Variants in ACP6 observed in about 807,000 individuals in gnomAD.
The protein encoded by ACP6 is acid phosphatase 6, lysophosphatidic, also known as lysophosphatidic acid phosphatase type 6.
Under a neutral mutation model 48.1 loss-of-function variants are expected in ACP6, and 48 were observed. The ratio of observed to expected loss-of-function variants is 1.00; its 90% CI spans 0.79 to 1.27. The LOEUF is 1.27. Among genes scored for constraint, ACP6 ranks in the 50% most tolerant of loss-of-function variants. The pLI is 0.00. For synonymous variants in ACP6, 172 were observed against 204.2 expected (o/e 0.84, Z 1.34); for missense variants, 485 against 529.1 (o/e 0.92, Z 0.82).
intron 6 of ACP6, 157 bp from the exon 7 acceptor site, chr1:147,652,706 T>C (rs1056085466): frequency 2.0e-5 from 30 of 1,518,928 alleles, no homozygotes; most frequent in Non-Finnish European, 2.6e-5. Context: ...CAAGAAGCTA[T>C]GTCTCTAAAG....
At chr1:147,634,846 A>G (rs587602754) in intron 5 of ACP6, among the ~76,000 whole-genome samples, 1 of 152,358 alleles carries the variant, frequency 6.6e-6, no homozygotes, top group South Asian at 2.1e-4. Context: ...AATTATAAGC[A>G]CAGTCATGGC....
At chr1:147,654,357 T>G (rs1660121749) in intron 5 of ACP6, 31 bp from the exon 6 acceptor site, 20 of 1,609,630 alleles carry the variant, frequency 1.2e-5, no homozygotes, top group Non-Finnish European at 1.5e-5. Flanking sequence ...AAGCCTTATA[T>G]TCTATAGTGA....
intron 5 of ACP6, among the ~76,000 whole-genome samples, chr1:147,633,868 A>G (rs1248983829): frequency 3.3e-5 from 5 of 151,476 alleles, no homozygotes; most frequent in African/African-American, 1.2e-4. Context: ...TGGTAAAAAA[A>G]TACAGCAAAA....
intron 4 of ACP6, among the ~76,000 whole-genome samples, chr1:147,656,406 C>T (rs1424622726): frequency 6.6e-6 from 1 of 152,156 alleles, no homozygotes; most frequent in Non-Finnish European, 1.5e-5. Flanking sequence ...GCATAGTCCA[C>T]TTGCATGTCC....
At position 147,654,276 on chromosome 1, in the gene ACP6, T is replaced by C. The variant is rs1553211182; in HGVS notation, c.698A>G (p.Lys233Arg). 6.2e-7 allele frequency: 1 copy of C among 1,614,214 alleles called. No individual in the cohort carries two copies. The highest frequency in any genetic ancestry group is 1.1e-5 in the South Asian group (1 of 91,084). Reference sequence around the variant, plus strand: ...AATGCCCATCCTGTCCTTCACCTTTTTCAAATCCTCTGAGATTCCTGGCTG... The same window carrying C: ...AATGCCCATCCTGTCCTTCACCTTTCTCAAATCCTCTGAGATTCCTGGCTG... ...SLQPGISEDL[K>R]KVKDRMGIDS... The change falls in exon 6 of 10, where the codon AAA (lysine) becomes AGA (arginine). Residue 233 changes from lysine to arginine, a missense_variant. Coordinates refer to ENST00000583509, the MANE Select transcript of ACP6 (RefSeq NM_016361.5).
intron 4 of ACP6, among the ~76,000 whole-genome samples, chr1:147,657,314 C>T (rs2148910222): frequency 6.6e-6 from 1 of 152,294 alleles, no homozygotes; most frequent in East Asian, 1.9e-4. Context: ...CAGCCTGATT[C>T]TCTGTAGCCT....
intron 1 of ACP6, among the ~76,000 whole-genome samples, chr1:147,666,721 G>A (rs955065287): frequency 1.3e-5 from 2 of 152,156 alleles, no homozygotes; most frequent in African/African-American, 4.8e-5. Flanking sequence ...CCTTCGGAGG[G>A]AGACCCTGGC....
In ACP6 at chr1:147,644,685, T is replaced by C. The variant is rs1659559878; in HGVS notation, c.*2738A>G. ...AGTTACTGATGTAGTAGAGGTAGGA[T>C]ATGAGAAAAAGAGGGGAGTCAAGGG... On this transcript the variant is annotated 3_prime_UTR_variant, in exon 10 of 10. Transcript: ENST00000583509. 1 of 152,128 alleles carries C rather than the reference T, an allele frequency of 6.6e-6. No homozygotes were observed. The highest frequency in any genetic ancestry group is 1.5e-5 in the Non-Finnish European group (1 of 68,048). 9.4% of individuals were successfully genotyped at this position (152,128 alleles called of 1,614,324 possible). A position where few individuals can be genotyped will look rare whatever the true frequency, so the allele number is the denominator to read the frequency against.
At chr1:147,660,699 T>C (rs1660503723) in intron 1 of ACP6, among the ~76,000 whole-genome samples, 1 of 152,238 alleles carries the variant, frequency 6.6e-6, no homozygotes, top group African/African-American at 2.4e-5. Flanking sequence ...CATCTATCCA[T>C]AGCCAACTAA....
chr1:147,640,304 G>C (rs1473750994), downstream of ACP6, among the ~76,000 whole-genome samples: 1 of 152,062 alleles, frequency 6.6e-6, no homozygotes, highest in Non-Finnish European at 1.5e-5. Flanking sequence ...GCTTCTTTCA[G>C]CATCCTTCAT....
intron 7 of ACP6, 122 bp from the exon 8 acceptor site, chr1:147,650,360 TA>T: frequency 1.6e-6 from 1 of 629,132 alleles, no homozygotes; most frequent in Non-Finnish European, 2.6e-6. Flanking sequence ...AAGTAATGCA[TA>T]AGGGCCAGCA....
Position 147,670,413 on chromosome 1 carries a change from G to A in ACP6, c.-365C>T, listed in dbSNP as rs1661040976. On this transcript the variant is annotated 5_prime_UTR_variant, in exon 1 of 10. Transcript: ENST00000583509. ...AGCACTCTTGAAGGAACAGGAGCCG[G>A]CCCTGAGTTCCCTGGCGGCAGCGGC... The A allele has an allele frequency of 5.7e-6, 1 of 175,136 alleles. No individual in the cohort carries two copies. Among genetic ancestry groups the A allele is most frequent in the African/African-American group, 2.4e-5 (1 of 42,398 alleles). The allele number at this position is 175,136 out of a possible 1,614,324, so 10.8% of individuals were successfully genotyped here. A position where few individuals can be genotyped will look rare whatever the true frequency, so the allele number is the denominator to read the frequency against.
chr1:147,637,928 T>A (rs1659341092), downstream of ACP6, among the ~76,000 whole-genome samples: 1 of 152,240 alleles, frequency 6.6e-6, no homozygotes, highest in African/African-American at 2.4e-5. Flanking sequence ...CTTTACTCAG[T>A]TGTATTTTAT....
At chr1:147,629,904 G>A (rs1557870410) in exon 6 of ACP6, 1 of 152,200 alleles carries the variant, frequency 6.6e-6, no homozygotes, top group Non-Finnish European at 1.5e-5. Context: ...TTAACTTTCT[G>A]TCTCAGTGCT....
Position 147,632,359 on chromosome 1 carries a change from T to G in ACP6, c.461-1294A>C, listed in dbSNP as rs954907473. ...CCAGCATCTGGCATAGTGTCTGCAC[T>G]CTATCAAAGATCAGTAAATAGCTGT... is the stretch of plus-strand genomic sequence containing the variant. On this transcript the variant is annotated intron_variant, in intron 5 of 5. Coordinates refer to the ACP6 transcript ENST00000609196. Among the ~76,000 whole-genome samples, 3 of 152,240 alleles carry G rather than the reference T, an allele frequency of 2.0e-5. No individual in the cohort carries two copies. In the East Asian group the frequency reaches 5.8e-4, roughly 29 times the overall value.
At chr1:147,654,842 C>T (rs1553211312) in intron 5 of ACP6, among the ~76,000 whole-genome samples, 1 of 152,184 alleles carries the variant, frequency 6.6e-6, no homozygotes, top group Admixed American at 6.5e-5. Context: ...TCATTTGCCC[C>T]ACCTGAGAGA....
chr1:147,653,301 T>C (rs1660060483), intron 6 of ACP6, among the ~76,000 whole-genome samples: 1 of 151,956 alleles, frequency 6.6e-6, no homozygotes, highest in African/African-American at 2.4e-5. Context: ...CGGCTAAATT[T>C]TGTATTTTTA....
intron 1 of ACP6, 108 bp from the exon 2 acceptor site, chr1:147,659,883 G>A (rs1362059251): frequency 2.3e-6 from 3 of 1,322,418 alleles, no homozygotes; most frequent in East Asian, 4.8e-5. Context: ...CTGACACTAG[G>A]CCTGCAACCT....
chr1:147,654,260 C>A lies in ACP6; in HGVS notation c.714G>T (p.Arg238Ser). Residue 238 changes from arginine to serine, a missense_variant, in exon 6 of 10, where the codon AGG becomes AGT. Arg to Ser is a moderately radical substitution (Grantham distance 110). Coordinates refer to ENST00000583509, the MANE Select transcript of ACP6 (RefSeq NM_016361.5). ...CTTTATCACTACTGTCAATGCCCATCCTGTCCTTCACCTTTTTCAAATCCT... is the reference window on the plus strand; with the variant it reads ...CTTTATCACTACTGTCAATGCCCATACTGTCCTTCACCTTTTTCAAATCCT... The part of the protein sequence containing the change: ...ISEDLKKVKD[R>S]MGIDSSDKVD... The A allele has an allele frequency of 6.2e-7, 1 of 1,614,200 alleles. No individual in the cohort carries two copies. The highest frequency in any genetic ancestry group is 1.1e-5 in the South Asian group (1 of 91,084).
Sources: allele counts gnomAD v4.1 joint callset (sites outside exome capture counted in the v4.1 genomes callset), GRCh38; gene constraint gnomAD v4.1.1; transcripts MANE v1.5; gene names NCBI Gene and HGNC (gene_info 2026-07-23, HGNC 2026-07-21).